Variants in OR1N1 observed in about 807,000 individuals in gnomAD.
The protein encoded by OR1N1 is olfactory receptor family 1 subfamily N member 1, also known as olfactory receptor 1N1.
For missense variants in OR1N1, 388 were observed against 391.9 expected (o/e 0.99, Z 0.08); for synonymous variants, 130 against 151.2 (o/e 0.86, Z 1.03).
rs1478629040 is a variant in OR1N1, at chr9:122,526,725, G to A, written c.569C>T (p.Thr190Ile). 4 of 1,613,970 alleles carry A rather than the reference G, an allele frequency of 2.5e-6. No homozygotes were observed. Among genetic ancestry groups the A allele is most frequent in the Admixed American group, 1.7e-5 (1 of 60,002 alleles). Reference protein sequence around the residue: ...TPVLKLSCSDTHINEMMVFVL... With the variant: ...TPVLKLSCSDIHINEMMVFVL... ...AAAAACCATCATCTCGTTGATGTGG[G>A]TGTCAGAACATGACAGCTTCAGGAC... Residue 190 changes from threonine (T) to isoleucine (I), a missense_variant, in exon 1 of 1, where the codon ACC becomes ATC. Thr to Ile is a moderately conservative substitution (Grantham distance 89). Coordinates refer to ENST00000304880, the MANE Select transcript of OR1N1 (RefSeq NM_012363.1).
Position 122,526,637 on chromosome 9 carries a change from A to G in OR1N1, c.657T>C (p.Ile219=). The part of the protein sequence containing the change: ...FLCIVTSYIH[I]VPAILRVRTR... ...TTCGGACCCTCAGGATAGCTGGCAC[A>G]ATGTGGATGTAGGAGGTGACAATGC... The change falls in exon 1 of 1, where the codon ATT becomes ATC. Residue 219 remains isoleucine, a synonymous_variant. Transcript: ENST00000304880. 1 of 1,614,162 alleles carries G rather than the reference A, an allele frequency of 6.2e-7. No homozygotes were observed. Among genetic ancestry groups the G allele is most frequent in the Non-Finnish European group, 8.5e-7 (1 of 1,180,018 alleles).
In OR1N1 at chr9:122,527,196, T is replaced by C. The variant is rs775209293; in HGVS notation, c.98A>G (p.Tyr33Cys). ...CAGGTTCCCAGTCAAGGTGACAAGATACATACACAGGAAAATTCCGAAGAG... is the reference window on the plus strand; with the variant it reads ...CAGGTTCCCAGTCAAGGTGACAAGACACATACACAGGAAAATTCCGAAGAG... Reference protein sequence around the residue: ...QSLFGIFLCMYLVTLTGNLLI... With the variant: ...QSLFGIFLCMCLVTLTGNLLI... Residue 33 changes from tyrosine to cysteine, a missense_variant, in exon 1 of 1, where the codon TAT (tyrosine) becomes TGT (cysteine). Physicochemically the swap from Tyr to Cys is radical, Grantham distance 194. Coordinates refer to ENST00000304880, the MANE Select transcript of OR1N1 (RefSeq NM_012363.1). The C allele has an allele frequency of 6.8e-6, 11 of 1,613,968 alleles. No individual in the cohort carries two copies. The highest frequency in any genetic ancestry group is 1.3e-5 in the African/African-American group (1 of 74,910).
rs1196291971 is a variant in OR1N1, at chr9:122,527,000, T to C, written c.294A>G (p.Gln98=). The change falls in exon 1 of 1, where the codon CAA becomes CAG. Residue 98 remains glutamine (Q), a synonymous_variant. Transcript: ENST00000304880. ...CACCAAACATCAGAAAGAAATACATTTGCGTGAGGCAACCCGTATAGGAGA... is the reference window on the plus strand; with the variant it reads ...CACCAAACATCAGAAAGAAATACATCTGCGTGAGGCAACCCGTATAGGAGA... ...HTISYTGCLT[Q]MYFFLMFGDL... 2 of 1,614,118 alleles carry C rather than the reference T, an allele frequency of 1.2e-6. No homozygotes were observed. The highest frequency in any genetic ancestry group is 1.7e-6 in the Non-Finnish European group (2 of 1,180,012).
chr9:122,526,385 G>T lies in OR1N1; in HGVS notation c.909C>A (p.Phe303Leu), dbSNP rs764749575. 1.3e-6 allele frequency: 2 copies of T among 1,506,588 alleles called. No individual in the cohort carries two copies. The highest frequency in any genetic ancestry group is 2.8e-5 in the African/African-American group (2 of 71,532). The allele number at this position is 1,506,588 out of a possible 1,614,324, so 93.3% of individuals were successfully genotyped here. A position where few individuals can be genotyped will look rare whatever the true frequency, so the allele number is the denominator to read the frequency against. The change falls in exon 1 of 1, where the codon TTC becomes TTA. Residue 303 changes from phenylalanine (F) to leucine (L), a missense_variant. By Grantham distance (22) the Phe-to-Leu change is conservative. Transcript: ENST00000304880. ...AAGAGGAAACAATACTCCTGTGACT[G>T]AAGAGCCTCTTTAGGGCCCCCTTCA... ...KDMKGALKRL[F>L]SHRSIVSS
Position 122,526,550 on chromosome 9 carries a change from C to T in OR1N1, c.744G>A (p.Val248=). The T allele has an allele frequency of 1.2e-6, 2 of 1,611,756 alleles. No individual in the cohort carries two copies. Among genetic ancestry groups the T allele is most frequent in the East Asian group, 2.2e-5 (1 of 44,890 alleles). The change falls in exon 1 of 1, where the codon GTG becomes GTA. Residue 248 remains valine, a synonymous_variant. Coordinates refer to ENST00000304880, the MANE Select transcript of OR1N1 (RefSeq NM_012363.1). ...AGGCACTGAAGAGGGTCCCATAGAA[C>T]ACACAAACAACGCAGAGGTGGGAAC... ...TCSSHLCVVC[V]FYGTLFSAYL... is the part of the protein sequence containing the mutation.
At position 122,526,978 on chromosome 9, in the gene OR1N1, C is replaced by G. The variant is rs761955374; in HGVS notation, c.316G>C (p.Gly106Arg). The G allele has an allele frequency of 6.2e-7, 1 of 1,614,182 alleles. No individual in the cohort carries two copies. The highest frequency in any genetic ancestry group is 1.1e-5 in the South Asian group (1 of 91,078). Residue 106 changes from glycine (G) to arginine (R), a missense_variant, in exon 1 of 1, where the codon GGT (glycine) becomes CGT (arginine). Coordinates refer to ENST00000304880, the MANE Select transcript of OR1N1 (RefSeq NM_012363.1). ...LTQMYFFLMFGDLDSFFLAAM... is the reference protein window; with the variant it reads ...LTQMYFFLMFRDLDSFFLAAM... The stretch of plus-strand genomic sequence containing the variant: ...GCCAGGAAGAAGCTGTCTAGATCAC[C>G]AAACATCAGAAAGAAATACATTTGC...
rs1358052675 is a variant in OR1N1, at chr9:122,526,541, C to T, written c.753G>A (p.Gly251=). 6.2e-7 allele frequency: 1 copy of T among 1,609,882 alleles called. No homozygotes were observed. The highest frequency in any genetic ancestry group is 2.2e-5 in the East Asian group (1 of 44,864). The change falls in exon 1 of 1, where the codon GGG becomes GGA. Residue 251 remains glycine (G), a synonymous_variant. Transcript: ENST00000304880. ...SHLCVVCVFY[G]TLFSAYLCPP... ...GACACAGGTAGGCACTGAAGAGGGTCCCATAGAACACACAAACAACGCAGA... is the reference window on the plus strand; with the variant it reads ...GACACAGGTAGGCACTGAAGAGGGTTCCATAGAACACACAAACAACGCAGA...
rs559232260 is a variant in OR1N1, at chr9:122,526,600, C to T, written c.694G>A (p.Val232Met). 2.5e-6 allele frequency: 4 copies of T among 1,614,070 alleles called. No homozygotes were observed. In the South Asian group the frequency reaches 4.4e-5, roughly 18 times the overall value. Residue 232 changes from valine to methionine, a missense_variant, in exon 1 of 1, where the codon GTG becomes ATG. Physicochemically the swap from Val to Met is conservative, Grantham distance 21. Coordinates refer to ENST00000304880, the MANE Select transcript of OR1N1 (RefSeq NM_012363.1). Reference sequence around the variant, plus strand: ...CTGCAGGTGGAAAAGGCCTTGCCCACCCCACCACGGGTTCGGACCCTCAGG... The same window carrying T: ...CTGCAGGTGGAAAAGGCCTTGCCCATCCCACCACGGGTTCGGACCCTCAGG... ...AILRVRTRGG[V>M]GKAFSTCSSH...
Position 122,526,558 on chromosome 9 carries a change from C to A in OR1N1, c.736G>T (p.Val246Phe), listed in dbSNP as rs1218497672. 6.2e-7 allele frequency: 1 copy of A among 1,612,708 alleles called. No individual in the cohort carries two copies. ...AAGAGGGTCCCATAGAACACACAAACAACGCAGAGGTGGGAACTGCAGGTG... is the reference window on the plus strand; with the variant it reads ...AAGAGGGTCCCATAGAACACACAAAAAACGCAGAGGTGGGAACTGCAGGTG... Reference protein sequence around the residue: ...FSTCSSHLCVVCVFYGTLFSA... With the variant: ...FSTCSSHLCVFCVFYGTLFSA... Residue 246 changes from valine to phenylalanine, a missense_variant, in exon 1 of 1, where the codon GTT becomes TTT. Transcript: ENST00000304880.
rs776973054 is a variant in OR1N1, at chr9:122,527,053, C to T, written c.241G>A (p.Val81Met). Reference sequence around the variant, plus strand: ...GTGTGATGCCGAGTCTGTATATTCACCAGCATCTTGGTAACTGTGGAGGAC... The same window carrying T: ...GTGTGATGCCGAGTCTGTATATTCATCAGCATCTTGGTAACTGTGGAGGAC... Reference protein sequence around the residue: ...LTSSTVTKMLVNIQTRHHTIS... With the variant: ...LTSSTVTKMLMNIQTRHHTIS... Residue 81 changes from valine (V) to methionine (M), a missense_variant, in exon 1 of 1, where the codon GTG (valine) becomes ATG (methionine). By Grantham distance (21) the Val-to-Met change is conservative. Transcript: ENST00000304880. 3 of 1,614,180 alleles carry T rather than the reference C, an allele frequency of 1.9e-6. No homozygotes were observed. The African/African-American group carries it at 4.0e-5, about 22-fold the overall frequency.
Position 122,527,122 on chromosome 9 carries a change from A to C in OR1N1, c.172T>G (p.Tyr58Asp). 1 of 1,614,232 alleles carries C rather than the reference A, an allele frequency of 6.2e-7. No homozygotes were observed. Among genetic ancestry groups the C allele is most frequent in the Non-Finnish European group, 8.5e-7 (1 of 1,180,032 alleles). The part of the protein sequence containing the change: ...GSDLHLHTPM[Y>D]FFLANLSFVD... ...AAAGACAGGTTGGCCAAGAAAAAGTACATGGGGGTGTGGAGGTGCAGGTCA... is the reference window on the plus strand; with the variant it reads ...AAAGACAGGTTGGCCAAGAAAAAGTCCATGGGGGTGTGGAGGTGCAGGTCA... The change falls in exon 1 of 1, where the codon TAC (tyrosine) becomes GAC (aspartate). Residue 58 changes from tyrosine (Y) to aspartate (D), a missense_variant. Tyr to Asp is a radical substitution (Grantham distance 160). Coordinates refer to ENST00000304880, the MANE Select transcript of OR1N1 (RefSeq NM_012363.1).
Position 122,527,094 on chromosome 9 carries a change from A to G in OR1N1, c.200T>C (p.Val67Ala). 6.2e-7 allele frequency: 1 copy of G among 1,614,236 alleles called. No individual in the cohort carries two copies. The highest frequency in any genetic ancestry group is 8.5e-7 in the Non-Finnish European group (1 of 1,180,040). The change falls in exon 1 of 1, where the codon GTT becomes GCT. Residue 67 changes from valine (V) to alanine (A), a missense_variant. Physicochemically the swap from Val to Ala is moderately conservative, Grantham distance 64. Transcript: ENST00000304880. ...TGTGGAGGACGTTAAACCCATGTCAACAAAAGACAGGTTGGCCAAGAAAAA... is the reference window on the plus strand; with the variant it reads ...TGTGGAGGACGTTAAACCCATGTCAGCAAAAGACAGGTTGGCCAAGAAAAA... ...MYFFLANLSF[V>A]DMGLTSSTVT...
chr9:122,526,958 G>T lies in OR1N1; in HGVS notation c.336C>A (p.Phe112Leu). The change falls in exon 1 of 1, where the codon TTC (phenylalanine) becomes TTA (leucine). Residue 112 changes from phenylalanine to leucine, a missense_variant. Physicochemically the swap from Phe to Leu is conservative, Grantham distance 22. Coordinates refer to ENST00000304880, the MANE Select transcript of OR1N1 (RefSeq NM_012363.1). ...FLMFGDLDSFFLAAMAYDRYV... is the reference protein window; with the variant it reads ...FLMFGDLDSFLLAAMAYDRYV... ...AGCGGTCATACGCCATGGCAGCCAG[G>T]AAGAAGCTGTCTAGATCACCAAACA... 1 of 1,614,236 alleles carries T rather than the reference G, an allele frequency of 6.2e-7. No homozygotes were observed. The highest frequency in any genetic ancestry group is 8.5e-7 in the Non-Finnish European group (1 of 1,180,038).
chr9:122,526,518 C>T lies in OR1N1; in HGVS notation c.776G>A (p.Cys259Tyr), dbSNP rs751054280. Residue 259 changes from cysteine (C) to tyrosine (Y), a missense_variant, in exon 1 of 1, where the codon TGT (cysteine) becomes TAT (tyrosine). Transcript: ENST00000304880. Reference protein sequence around the residue: ...FYGTLFSAYLCPPSIASEEKD... With the variant: ...FYGTLFSAYLYPPSIASEEKD... ...CTCTTCAGAGGCAATGGAGGGAGGACACAGGTAGGCACTGAAGAGGGTCCC... is the reference window on the plus strand; with the variant it reads ...CTCTTCAGAGGCAATGGAGGGAGGATACAGGTAGGCACTGAAGAGGGTCCC... The T allele has an allele frequency of 1.3e-6, 2 of 1,596,750 alleles. No homozygotes were observed. The highest frequency in any genetic ancestry group is 1.7e-6 in the Non-Finnish European group (2 of 1,171,616).
Position 122,526,485 on chromosome 9 carries a change from A to G in OR1N1, c.809T>C (p.Ile270Thr). 1 of 1,574,848 alleles carries G rather than the reference A, an allele frequency of 6.3e-7. No homozygotes were observed. The highest frequency in any genetic ancestry group is 1.4e-5 in the African/African-American group (1 of 73,828). The change falls in exon 1 of 1, where the codon ATT (isoleucine) becomes ACT (threonine). Residue 270 changes from isoleucine (I) to threonine (T), a missense_variant. Physicochemically the swap from Ile to Thr is moderately conservative, Grantham distance 89. Coordinates refer to ENST00000304880, the MANE Select transcript of OR1N1 (RefSeq NM_012363.1). The part of the protein sequence containing the change: ...PPSIASEEKD[I>T]AAAAMYTIVT... Reference sequence around the variant, plus strand: ...TATGGTGTACATTGCAGCTGCTGCAATGTCCTTCTCTTCAGAGGCAATGGA... The same window carrying G: ...TATGGTGTACATTGCAGCTGCTGCAGTGTCCTTCTCTTCAGAGGCAATGGA...
chr9:122,526,483 C>T lies in OR1N1; in HGVS notation c.811G>A (p.Ala271Thr), dbSNP rs1828835801. 6.4e-7 allele frequency: 1 copy of T among 1,573,298 alleles called. No individual in the cohort carries two copies. Among genetic ancestry groups the T allele is most frequent in the African/African-American group, 1.4e-5 (1 of 73,690 alleles). Residue 271 changes from alanine (A) to threonine (T), a missense_variant, in exon 1 of 1, where the codon GCA (alanine) becomes ACA (threonine). By Grantham distance (58) the Ala-to-Thr change is moderately conservative. Transcript: ENST00000304880. ...PSIASEEKDIAAAAMYTIVTP... is the reference protein window; with the variant it reads ...PSIASEEKDITAAAMYTIVTP... The stretch of plus-strand genomic sequence containing the variant: ...ACTATGGTGTACATTGCAGCTGCTG[C>T]AATGTCCTTCTCTTCAGAGGCAATG...
Position 122,526,647 on chromosome 9 carries a change from T to C in OR1N1, c.647A>G (p.Tyr216Cys). Reference sequence around the variant, plus strand: ...CAGGATAGCTGGCACAATGTGGATGTAGGAGGTGACAATGCATAAAAAGGG... The same window carrying C: ...CAGGATAGCTGGCACAATGTGGATGCAGGAGGTGACAATGCATAAAAAGGG... ...IVPFLCIVTS[Y>C]IHIVPAILRV... The change falls in exon 1 of 1, where the codon TAC becomes TGC. Residue 216 changes from tyrosine to cysteine, a missense_variant. Transcript: ENST00000304880. The C allele has an allele frequency of 6.2e-7, 1 of 1,614,114 alleles. No homozygotes were observed. Among genetic ancestry groups the C allele is most frequent in the Non-Finnish European group, 8.5e-7 (1 of 1,180,004 alleles).
chr9:122,527,136 A>G lies in OR1N1; in HGVS notation c.158T>C (p.Leu53Pro). 1 of 1,614,220 alleles carries G rather than the reference A, an allele frequency of 6.2e-7. No homozygotes were observed. Among genetic ancestry groups the G allele is most frequent in the South Asian group, 1.1e-5 (1 of 91,084 alleles). The change falls in exon 1 of 1, where the codon CTC becomes CCC. Residue 53 changes from leucine (L) to proline (P), a missense_variant. By Grantham distance (98) the Leu-to-Pro change is moderately conservative (BLOSUM62 -3). Transcript: ENST00000304880. ...CAAGAAAAAGTACATGGGGGTGTGG[A>G]GGTGCAGGTCAGAGCCAATGGCCAG... is the stretch of plus-strand genomic sequence containing the variant. Reference protein sequence around the residue: ...IILAIGSDLHLHTPMYFFLAN... With the variant: ...IILAIGSDLHPHTPMYFFLAN...
In OR1N1 at chr9:122,526,392, C is replaced by T. The variant is rs928007941; in HGVS notation, c.902G>A (p.Arg301Lys). 2 of 1,507,352 alleles carry T rather than the reference C, an allele frequency of 1.3e-6. No individual in the cohort carries two copies. Among genetic ancestry groups the T allele is most frequent in the Non-Finnish European group, 1.8e-6 (2 of 1,129,596 alleles). 93.4% of individuals were successfully genotyped at this position (1,507,352 alleles called of 1,614,324 possible). A position where few individuals can be genotyped will look rare whatever the true frequency, so the allele number is the denominator to read the frequency against. ...AACAATACTCCTGTGACTGAAGAGC[C>T]TCTTTAGGGCCCCCTTCATGTCCTT... is the stretch of plus-strand genomic sequence containing the variant. ...RNKDMKGALK[R>K]LFSHRSIVSS The change falls in exon 1 of 1, where the codon AGG becomes AAG. Residue 301 changes from arginine to lysine, a missense_variant. Transcript: ENST00000304880.
Sources: allele counts gnomAD v4.1 joint callset, GRCh38; gene constraint gnomAD v4.1.1; transcripts MANE v1.5; gene names NCBI Gene and HGNC (gene_info 2026-07-23, HGNC 2026-07-21).